Variants in SOCS6 observed in about 807,000 individuals in gnomAD.
The protein encoded by SOCS6 is suppressor of cytokine signaling 6, also known as STAT induced STAT inhibitor-4.
In SOCS6, 5 loss-of-function variants were observed where a neutral mutation model predicts 27.7. The observed-to-expected ratio is 0.18, with a 90% CI of 0.09 to 0.38. SOCS6 has a LOEUF of 0.38. Ranked by LOEUF, SOCS6 falls within the 10% of genes least tolerant of loss-of-function variation. The pLI is 1.00. For synonymous variants in SOCS6, 271 were observed against 260.0 expected (o/e 1.04, Z -0.41); for missense variants, 595 against 688.1 (o/e 0.86, Z 1.51).
intron 1 of SOCS6, among the ~76,000 whole-genome samples, chr18:70,290,393 TG>T (rs2062293381): frequency 6.6e-6 from 1 of 152,230 alleles, no homozygotes; most frequent in Non-Finnish European, 1.5e-5. Context: ...GAATCTTAAT[TG>T]TAATATTTAA....
At chr18:70,317,240 A>G (rs539574402) in intron 1 of SOCS6, among the ~76,000 whole-genome samples, 3 of 152,258 alleles carry the variant, frequency 2.0e-5, no homozygotes, top group East Asian at 1.9e-4. Context: ...AGTCCATTGT[A>G]TCATTCTTAT....
Position 70,324,558 on chromosome 18 carries a change from G to C in SOCS6, c.-111G>C, listed in dbSNP as rs1008153945. The C allele has an allele frequency of 4.2e-6, 3 of 712,740 alleles. No homozygotes were observed. The South Asian group carries it at 6.4e-5, about 15-fold the overall frequency. 44.2% of individuals were successfully genotyped at this position (712,740 alleles called of 1,614,324 possible). On this transcript the variant is annotated 5_prime_UTR_variant, in exon 2 of 2. Transcript: ENST00000397942. Reference sequence around the variant, plus strand: ...TATTTTTTAGAAAATGGCTCCAAAGGTTAAATGAAGCAGGAAAAATACATA... The same window carrying C: ...TATTTTTTAGAAAATGGCTCCAAAGCTTAAATGAAGCAGGAAAAATACATA...
intron 1 of SOCS6, chr18:70,314,133 G>A (rs1390406759): frequency 6.6e-6 from 1 of 152,178 alleles, no homozygotes; most frequent in Non-Finnish European, 1.5e-5. Context: ...GCACACACCT[G>A]TAATGCCAGC....
chr18:70,314,373 GAC>G (rs2062402981), intron 1 of SOCS6: 2 of 152,148 alleles, frequency 1.3e-5, no homozygotes, highest in African/African-American at 2.4e-5. Context: ...CCTGCAAAAT[GAC>G]AGTTTAGTCT....
Position 70,325,876 on chromosome 18 carries a change from A to T in SOCS6, c.1208A>T (p.Asp403Val). 1 of 1,614,182 alleles carries T rather than the reference A, an allele frequency of 6.2e-7. No homozygotes were observed. The highest frequency in any genetic ancestry group is 8.5e-7 in the Non-Finnish European group (1 of 1,180,000). Reference protein sequence around the residue: ...EAEGKLANVPDGSFLVRDSSD... With the variant: ...EAEGKLANVPVGSFLVRDSSD... ...GAAGGGAAGCTAGCAAACGTGCCAG[A>T]TGGTTCTTTTCTTGTTCGGGACAGT... The change falls in exon 2 of 2, where the codon GAT (aspartate) becomes GTT (valine). Residue 403 changes from aspartate (D) to valine (V), a missense_variant. By Grantham distance (152) the Asp-to-Val change is radical (BLOSUM62 -3). Coordinates refer to ENST00000397942, the MANE Select transcript of SOCS6 (RefSeq NM_004232.4). This position sits in a 1 kb window ranked among gnomAD's most constrained non-coding sequence, Gnocchi z 6.3.
At chr18:70,307,771 T>G (rs1378828458) in intron 1 of SOCS6, among the ~76,000 whole-genome samples, 1 of 152,178 alleles carries the variant, frequency 6.6e-6, no homozygotes, top group Non-Finnish European at 1.5e-5. Context: ...GCTTTGTCTG[T>G]TTTTTATCTT....
chr18:70,312,877 A>T (rs993011516), intron 1 of SOCS6, among the ~76,000 whole-genome samples: 3 of 150,262 alleles, frequency 2.0e-5, no homozygotes, highest in Non-Finnish European at 4.4e-5. Flanking sequence ...GGGTTCAAGC[A>T]ATTCTCCTGC....
At chr18:70,323,475 T>C (rs1233510029) in intron 1 of SOCS6, among the ~76,000 whole-genome samples, 1 of 152,182 alleles carries the variant, frequency 6.6e-6, no homozygotes, top group Non-Finnish European at 1.5e-5. Flanking sequence ...AAATTTGCCA[T>C]GGGAAATTGC....
At chr18:70,292,917 T>A (rs2062306361) in intron 1 of SOCS6, among the ~76,000 whole-genome samples, 1 of 152,212 alleles carries the variant, frequency 6.6e-6, no homozygotes, top group Admixed American at 6.5e-5. Context: ...CATCACCACC[T>A]CAGAGAAGAC....
chr18:70,324,512 A>G, intron 1 of SOCS6, 31 bp from the exon 2 acceptor site: 1 of 561,688 alleles, frequency 1.8e-6, no homozygotes, highest in South Asian at 2.6e-5. Context: ...ATATTTTTTA[A>G]TATGACTCTT....
At chr18:70,310,444 G>C (rs1276929841) in intron 1 of SOCS6, among the ~76,000 whole-genome samples, 15 of 147,878 alleles carry the variant, frequency 1.0e-4, no homozygotes, top group Non-Finnish European at 2.2e-4. Flanking sequence ...ACCATGCCTG[G>C]CTAATTTTCT....
chr18:70,302,574 A>C (rs1278886850), intron 1 of SOCS6, among the ~76,000 whole-genome samples: 1 of 152,118 alleles, frequency 6.6e-6, no homozygotes, highest in East Asian at 1.9e-4. Flanking sequence ...ATATGGTTTT[A>C]CCAAGAGAGT....
At position 70,324,754 on chromosome 18, in the gene SOCS6, A is replaced by C. The variant is rs1312261907; in HGVS notation, c.86A>C (p.Gln29Pro). 3 of 1,612,134 alleles carry C rather than the reference A, an allele frequency of 1.9e-6. No individual in the cohort carries two copies. The South Asian group carries it at 3.3e-5, about 18-fold the overall frequency. Residue 29 changes from glutamine to proline, a missense_variant, in exon 2 of 2, where the codon CAA (glutamine) becomes CCA (proline). This residue lies in a region of SOCS6 where 467 missense variants were observed against 481.1 expected (regional missense o/e 0.97). Coordinates refer to ENST00000397942, the MANE Select transcript of SOCS6 (RefSeq NM_004232.4). ...GAAACTGATTTCATGGTAGTACAAC[A>C]ACCATCGCTAGCCAGTGACTTTGGA... ...KEETDFMVVQQPSLASDFGKD... is the reference protein window; with the variant it reads ...KEETDFMVVQPPSLASDFGKD...
chr18:70,326,150 C>G lies in SOCS6; in HGVS notation c.1482C>G (p.Phe494Leu). The G allele has an allele frequency of 6.2e-7, 1 of 1,614,188 alleles. No homozygotes were observed. The change falls in exon 2 of 2, where the codon TTC becomes TTG. Residue 494 changes from phenylalanine (F) to leucine (L), a missense_variant. Physicochemically the swap from Phe to Leu is conservative, Grantham distance 22. Transcript: ENST00000397942. ...PVRLTNPVSR[F>L]MQVRSLQYLC... Reference sequence around the variant, plus strand: ...GACTGACCAACCCAGTGTCCCGGTTCATGCAGGTGCGCTCGTTGCAGTACC... The same window carrying G: ...GACTGACCAACCCAGTGTCCCGGTTGATGCAGGTGCGCTCGTTGCAGTACC...
intron 1 of SOCS6, among the ~76,000 whole-genome samples, chr18:70,307,822 T>C (rs2062375546): frequency 6.6e-6 from 1 of 152,158 alleles, no homozygotes; most frequent in Non-Finnish European, 1.5e-5. Context: ...TTTTTCCCTC[T>C]TGTTTTTCTG....
At chr18:70,322,483 G>T (rs1472445663) in intron 1 of SOCS6, among the ~76,000 whole-genome samples, 1 of 152,128 alleles carries the variant, frequency 6.6e-6, no homozygotes, top group Admixed American at 6.6e-5. Context: ...TACTTTTACC[G>T]TGGTTGCTAG....
intron 1 of SOCS6, among the ~76,000 whole-genome samples, chr18:70,290,853 TG>T (rs1038233904): frequency 6.6e-6 from 1 of 152,188 alleles, no homozygotes; most frequent in African/African-American, 2.4e-5. Context: ...TTGGTAGTCT[TG>T]CCCCTTTCTC....
At position 70,298,890 on chromosome 18, in the gene SOCS6, C is replaced by T. The variant is rs745567566; in HGVS notation, c.-127+9800C>T. Among the ~76,000 whole-genome samples, 82 of 152,150 alleles carry T rather than the reference C, an allele frequency of 5.4e-4. 1 individual carries two copies. Among genetic ancestry groups the T allele is most frequent in the Non-Finnish European group, 8.5e-4 (58 of 67,984 alleles). ...CTGTAATCCCAACACTTTGGGAGGC[C>T]GAGGTGGGCGGATCACTTGAGGTCA... On this transcript the variant is annotated intron_variant, in intron 1 of 1. Coordinates refer to ENST00000397942, the MANE Select transcript of SOCS6 (RefSeq NM_004232.4).
chr18:70,294,988 AAAAG>A lies in SOCS6; in HGVS notation c.-127+5905_-127+5908del, dbSNP rs2062317114. On this transcript the variant is annotated intron_variant, in intron 1 of 1. Transcript: ENST00000397942. ...CATCGGACTCTTGAGTATAGAGAAG[AAAAG>A]AAAGAAGACAGGATATATCTGAAGG... Among the ~76,000 whole-genome samples, 9 of 152,372 alleles carry A rather than the reference AAAAG, an allele frequency of 5.9e-5. No homozygotes were observed. The South Asian group carries it at 1.9e-3, about 32-fold the overall frequency.
Sources: allele counts gnomAD v4.1 joint callset (sites outside exome capture counted in the v4.1 genomes callset), GRCh38; gene constraint gnomAD v4.1.1; regional missense constraint gnomAD v4.1.1; non-coding constraint Gnocchi (gnomAD v3.1); transcripts MANE v1.5; gene names NCBI Gene and HGNC (gene_info 2026-07-23, HGNC 2026-07-21).